Variants in PAX7 observed in about 807,000 individuals in gnomAD.
PAX7 encodes paired box 7, also known as paired box protein Pax-7.
Under a neutral mutation model 50.7 loss-of-function variants are expected in PAX7, and 18 were observed. The ratio of observed to expected loss-of-function variants is 0.36; its 90% CI spans 0.25 to 0.53. The LOEUF (loss-of-function observed/expected upper bound fraction) is 0.53. Among genes scored for constraint, PAX7 ranks in the 20% least tolerant of loss-of-function variants. The pLI, the probability that PAX7 is intolerant of heterozygous loss-of-function variation, is 0.93. For missense variants in PAX7, 644 were observed against 702.9 expected (o/e 0.92, Z 0.95); for synonymous variants, 310 against 290.4 (o/e 1.07, Z -0.69).
chr1:18,745,072 G>C lies in PAX7; in HGVS notation c.*143G>C, dbSNP rs866854713. ...CCTGCTTCTCATCACCAGCCCCCTG[G>C]AGGTAGACAGCCAGCTTGTCACTCA... On this transcript the variant is annotated 3_prime_UTR_variant, in exon 9 of 9. Coordinates refer to ENST00000420770, the MANE Select transcript of PAX7 (RefSeq NM_001135254.2). 1.5e-5 allele frequency: 9 copies of C among 612,746 alleles called. No homozygotes were observed. In the East Asian group the frequency reaches 2.5e-4, roughly 17 times the overall value. The allele number at this position is 612,746 out of a possible 1,614,324, so 38.0% of individuals were successfully genotyped here.
At chr1:18,678,090 A>G (rs571331606) in intron 4 of PAX7, among the ~76,000 whole-genome samples, 4 of 150,420 alleles carry the variant, frequency 2.7e-5, no homozygotes, top group East Asian at 2.0e-4. Flanking sequence ...TGAAAAAAAA[A>G]AAAAAAGAAA....
In PAX7 at chr1:18,681,733, T is replaced by C. The variant is rs2088904184; in HGVS notation, c.587-10021T>C. Among the ~76,000 whole-genome samples the C allele has an allele frequency of 2.8e-5, 4 of 143,082 alleles. No individual in the cohort carries two copies. In the South Asian group the frequency reaches 8.6e-4, roughly 31 times the overall value. The allele number at this position is 143,082 out of a possible 152,430, so 93.9% of individuals were successfully genotyped here. ...TTATTTTATTTTATTTTATTTTATT[T>C]TATTTTATTTTATTTTATTTTTATT... is the stretch of plus-strand genomic sequence containing the variant. On this transcript the variant is annotated intron_variant, in intron 4 of 8. Coordinates refer to ENST00000420770, the MANE Select transcript of PAX7 (RefSeq NM_001135254.2).
At chr1:18,710,994 C>A (rs2089344929) in intron 7 of PAX7, among the ~76,000 whole-genome samples, 1 of 152,242 alleles carries the variant, frequency 6.6e-6, no homozygotes, top group Admixed American at 6.5e-5. Flanking sequence ...CCCGCCCAGC[C>A]CTTCCTTCTC....
In PAX7 at chr1:18,651,069, C is replaced by G. The variant is rs796952064; in HGVS notation, c.586+14698C>G. ...CCCTGGACTTGGAATCAGTAAGACCCAGGTTCCTCCCCATTGCTGCCCCCA... is the reference window on the plus strand; with the variant it reads ...CCCTGGACTTGGAATCAGTAAGACCGAGGTTCCTCCCCATTGCTGCCCCCA... On this transcript the variant is annotated intron_variant, in intron 4 of 8. Coordinates refer to ENST00000420770, the MANE Select transcript of PAX7 (RefSeq NM_001135254.2). Among the ~76,000 whole-genome samples, 18 of 152,292 alleles carry G rather than the reference C, an allele frequency of 1.2e-4. No homozygotes were observed. In the South Asian group the frequency reaches 3.5e-3, roughly 30 times the overall value.
chr1:18,662,997 A>C (rs1197421248), intron 4 of PAX7, among the ~76,000 whole-genome samples: 1 of 152,222 alleles, frequency 6.6e-6, no homozygotes, highest in Non-Finnish European at 1.5e-5. Context: ...CCAGAGTTAA[A>C]TACAATGAAT....
At chr1:18,736,176 A>G (rs1474731584) in intron 8 of PAX7, 4 of 607,200 alleles carry the variant, frequency 6.6e-6, no homozygotes. Flanking sequence ...AAACATAAGA[A>G]GAAACAGGCC....
At chr1:18,685,511 G>C (rs2088961594) in intron 4 of PAX7, among the ~76,000 whole-genome samples, 1 of 152,224 alleles carries the variant, frequency 6.6e-6, no homozygotes, top group Admixed American at 6.5e-5. Flanking sequence ...AAAGGGAACT[G>C]AAATCACCTT....
At chr1:18,642,084 T>G (rs895123966) in intron 4 of PAX7, among the ~76,000 whole-genome samples, 4 of 151,758 alleles carry the variant, frequency 2.6e-5, no homozygotes, top group Non-Finnish European at 5.9e-5. Context: ...TTGGGCTTTT[T>G]TTTTTAAGAA....
At chr1:18,690,028 G>A (rs545793) in intron 4 of PAX7, among the ~76,000 whole-genome samples, 1 of 151,922 alleles carries the variant, frequency 6.6e-6, no homozygotes, top group Non-Finnish European at 1.5e-5. Context: ...TACCTTTCTG[G>A]GACTCAGCTT....
chr1:18,639,502 C>T (rs1360840432), intron 4 of PAX7, among the ~76,000 whole-genome samples: 2 of 151,960 alleles, frequency 1.3e-5, no homozygotes, highest in Non-Finnish European at 2.9e-5. Context: ...AAGCTTGGCT[C>T]ACCTGGAAAG....
At chr1:18,656,346 C>A (rs192515430) in intron 4 of PAX7, among the ~76,000 whole-genome samples, 1 of 152,036 alleles carries the variant, frequency 6.6e-6, no homozygotes, top group Non-Finnish European at 1.5e-5. Flanking sequence ...ATACAAAAAA[C>A]AAATTAGCCA....
At chr1:18,671,520 G>C (rs2088748833) in intron 4 of PAX7, among the ~76,000 whole-genome samples, 1 of 152,192 alleles carries the variant, frequency 6.6e-6, no homozygotes, top group Admixed American at 6.5e-5. Flanking sequence ...GGCCAGGTGG[G>C]AGGAGGGTGT....
chr1:18,666,636 G>A (rs1370284202), intron 4 of PAX7, among the ~76,000 whole-genome samples: 1 of 152,194 alleles, frequency 6.6e-6, no homozygotes, highest in Non-Finnish European at 1.5e-5. Flanking sequence ...GGAAAGGGTT[G>A]ATGGGGCCTG....
chr1:18,730,775 G>A (rs1239952174), intron 7 of PAX7, among the ~76,000 whole-genome samples: 1 of 152,032 alleles, frequency 6.6e-6, no homozygotes, highest in Non-Finnish European at 1.5e-5. Context: ...AGAGGCTGTG[G>A]AAGGGGGGCC....
chr1:18,693,043 G>T (rs1168168623), intron 5 of PAX7, among the ~76,000 whole-genome samples: 2 of 152,192 alleles, frequency 1.3e-5, no homozygotes, highest in South Asian at 2.1e-4. Context: ...AGGCTGGAGG[G>T]TTGGGGATGG....
intron 7 of PAX7, among the ~76,000 whole-genome samples, chr1:18,714,815 G>A (rs751954849): frequency 6.6e-5 from 10 of 152,230 alleles, no homozygotes; most frequent in Non-Finnish European, 8.8e-5. Flanking sequence ...TAGCAGGCCC[G>A]GGTTTAGCCT....
intron 4 of PAX7, among the ~76,000 whole-genome samples, chr1:18,671,442 A>T (rs1049501946): frequency 3.3e-5 from 5 of 152,190 alleles, no homozygotes; most frequent in Admixed American, 1.3e-4. Flanking sequence ...GGGGAATCTA[A>T]TTAGAGGGCA....
rs1033670725 is a variant in PAX7 at position 18,636,553 on chromosome 1, C to T, written c.586+182C>T. 2.6e-5 allele frequency among the ~76,000 whole-genome samples: 4 copies of T among 152,238 alleles called. No homozygotes were observed. Among genetic ancestry groups the T allele is most frequent in the African/African-American group, 7.2e-5 (3 of 41,452 alleles). ...CGACAGCGCCCCCTCGGTGCGCACC[C>T]CGGATGCCGGCTAGATGCGAAGCCC... On this transcript the variant is annotated intron_variant, in intron 4 of 8. Coordinates refer to ENST00000420770, the MANE Select transcript of PAX7 (RefSeq NM_001135254.2). The surrounding 1 kb of genome is among the most constrained non-coding windows in gnomAD (Gnocchi z 5.1).
chr1:18,720,099 G>A (rs1360641589), intron 7 of PAX7, among the ~76,000 whole-genome samples: 4 of 152,198 alleles, frequency 2.6e-5, no homozygotes, highest in African/African-American at 9.7e-5. Flanking sequence ...AGAACAGGCA[G>A]GGTCTGGAGC....
Sources: allele counts gnomAD v4.1 joint callset (sites outside exome capture counted in the v4.1 genomes callset), GRCh38; gene constraint gnomAD v4.1.1; non-coding constraint Gnocchi (gnomAD v3.1); transcripts MANE v1.5; gene names NCBI Gene and HGNC (gene_info 2026-07-23, HGNC 2026-07-21).